Variants in ZNF479 observed in about 807,000 individuals in gnomAD.
ZNF479 encodes zinc finger protein 479.
Under a neutral mutation model 14.7 loss-of-function variants are expected in ZNF479, and 15 were observed. The ratio of observed to expected loss-of-function variants is 1.02; its 90% CI spans 0.68 to 1.57. ZNF479 has a LOEUF of 1.57. ZNF479 is among the 40% of genes most tolerant of loss of function. ZNF479 has a pLI of 0.00. For synonymous variants in ZNF479, 145 were observed against 211.5 expected (o/e 0.69, Z 2.73); for missense variants, 506 against 615.1 (o/e 0.82, Z 1.88).
intron 1 of ZNF479, among the ~76,000 whole-genome samples, chr7:57,138,108 A>C (rs1156644023): frequency 6.6e-6 from 1 of 152,246 alleles, no homozygotes; most frequent in Non-Finnish European, 1.5e-5. Context: ...CTGGCCCAGC[A>C]CCTAGTTGAT....
At chr7:57,129,413 T>C (rs1468824846) in intron 1 of ZNF479, among the ~76,000 whole-genome samples, 1 of 152,134 alleles carries the variant, frequency 6.6e-6, no homozygotes, top group Non-Finnish European at 1.5e-5. Context: ...ATTATTAGCA[T>C]TAGCAAGAGA....
rs186496380 is a variant in ZNF479, at chr7:57,117,723, T to C, written c.*2117A>G. 5.9e-3 allele frequency among the ~76,000 whole-genome samples: 871 copies of C among 148,570 alleles called. No individual in the cohort carries two copies. The highest frequency in any genetic ancestry group is 0.022 in the African/African-American group (827 of 38,084). On this transcript the variant is annotated 3_prime_UTR_variant, in exon 4 of 4. Coordinates refer to ENST00000319636, the MANE Select transcript of ZNF479 (RefSeq NM_001370129.2). ...TGCATTTTATTACATAAACGTACAA[T>C]TGATAAAAAACAATCTCTCCTATCT...
chr7:57,127,369 T>C (rs992890237), intron 1 of ZNF479: 78 of 177,420 alleles, frequency 4.4e-4, no homozygotes, highest in African/African-American at 1.8e-3. Flanking sequence ...ATAGAATAAG[T>C]TGTGTATATT....
At chr7:57,128,051 T>TC in intron 1 of ZNF479, among the ~76,000 whole-genome samples, 1 of 151,812 alleles carries the variant, frequency 6.6e-6, no homozygotes. Flanking sequence ...TTCTCCTGCC[T>TC]CAACCTCCCA....
chr7:57,128,999 A>G (rs1786302595), intron 1 of ZNF479, among the ~76,000 whole-genome samples: 1 of 152,222 alleles, frequency 6.6e-6, no homozygotes, highest in African/African-American at 2.4e-5. Flanking sequence ...CACCCACGGC[A>G]GAAAGACCGA....
At chr7:57,135,478 T>C (rs935554190), upstream of ZNF479, among the ~76,000 whole-genome samples, 3 of 152,124 alleles carry the variant, frequency 2.0e-5, no homozygotes, top group African/African-American at 7.2e-5. Flanking sequence ...AGCAGTGAGA[T>C]CTTGGCTCAC....
At chr7:57,139,087 T>A (rs570777955) in intron 1 of ZNF479, among the ~76,000 whole-genome samples, 2 of 152,210 alleles carry the variant, frequency 1.3e-5, no homozygotes, top group African/African-American at 4.8e-5. Context: ...GAATCTCACA[T>A]GTGCCATATA....
rs1304699593 is a variant in ZNF479, at chr7:57,119,955, T to A, written c.1460A>T (p.His487Leu). ...SSTLMQHKRIHTGEKPYKCEE... is the reference protein window; with the variant it reads ...SSTLMQHKRILTGEKPYKCEE... Reference sequence around the variant, plus strand: ...ACATTTGTAGGGTTTCTCTCCAGTATGAATTCTCTTATGTTGCATAAGGGT... The same window carrying A: ...ACATTTGTAGGGTTTCTCTCCAGTAAGAATTCTCTTATGTTGCATAAGGGT... The change falls in exon 4 of 4, where the codon CAT becomes CTT. Residue 487 changes from histidine to leucine, a missense_variant. By Grantham distance (99) the His-to-Leu change is moderately conservative. Coordinates refer to ENST00000319636, the MANE Select transcript of ZNF479 (RefSeq NM_001370129.2). 6.2e-7 allele frequency: 1 copy of A among 1,613,922 alleles called. No individual in the cohort carries two copies. Among genetic ancestry groups the A allele is most frequent in the Non-Finnish European group, 8.5e-7 (1 of 1,179,964 alleles).
chr7:57,136,862 A>G (rs1026992665), upstream of ZNF479, among the ~76,000 whole-genome samples: 1 of 152,108 alleles, frequency 6.6e-6, no homozygotes, highest in African/African-American at 2.4e-5. Flanking sequence ...GATTTGTAAA[A>G]CTGCTTGCCA....
chr7:57,128,864 G>A (rs776458422), intron 1 of ZNF479, among the ~76,000 whole-genome samples: 1 of 152,168 alleles, frequency 6.6e-6, no homozygotes, highest in Admixed American at 6.6e-5. Context: ...GAGAAAAAGT[G>A]ATTTGTTTCT....
intron 3 of ZNF479, among the ~76,000 whole-genome samples, chr7:57,121,912 A>G (rs1785970990): frequency 6.6e-6 from 1 of 152,118 alleles, no homozygotes; most frequent in Non-Finnish European, 1.5e-5. Flanking sequence ...AGAAAAATGG[A>G]AAACCAGACA....
Position 57,120,024 on chromosome 7 carries a change from G to C in ZNF479, c.1391C>G (p.Pro464Arg), listed in dbSNP as rs1554399833. Residue 464 changes from proline to arginine, a missense_variant, in exon 4 of 4, where the codon CCC (proline) becomes CGC (arginine). Physicochemically the swap from Pro to Arg is moderately radical, Grantham distance 103 (BLOSUM62 -2). Transcript: ENST00000319636. ...DHKRIHTGER[P>R]YTCEECGKAF... ...TTTGCCACATTCTTCACATGTGTAG[G>C]GTCTCTCTCCAGTATGAATTCTCTT... 1.2e-6 allele frequency: 2 copies of C among 1,613,612 alleles called. No individual in the cohort carries two copies.
chr7:57,123,910 A>C (rs1786052545), intron 3 of ZNF479, among the ~76,000 whole-genome samples: 1 of 151,918 alleles, frequency 6.6e-6, no homozygotes, highest in East Asian at 1.9e-4. Flanking sequence ...AAAAGAAAAA[A>C]AGTAATACTG....
chr7:57,134,824 G>A (rs567115048), upstream of ZNF479, among the ~76,000 whole-genome samples: 66 of 151,978 alleles, frequency 4.3e-4, no homozygotes, highest in South Asian at 4.6e-3. Context: ...ACAGGCATGC[G>A]CCACCATGCC....
intron 1 of ZNF479, among the ~76,000 whole-genome samples, chr7:57,127,016 TTTTTTTTTTC>T (rs1168831466): frequency 5.3e-5 from 7 of 131,378 alleles, no homozygotes; most frequent in Non-Finnish European, 1.0e-4. Context: ...TCTGTTTTTC[TTTTTTTTTTC>T]TTTTTTTTTT....
upstream of ZNF479, among the ~76,000 whole-genome samples, chr7:57,134,565 C>A: frequency 6.6e-6 from 1 of 152,024 alleles, no homozygotes; most frequent in East Asian, 1.9e-4. Flanking sequence ...GCCCACATTG[C>A]TGCTCTGCCT....
rs781924092 is a variant in ZNF479 at position 57,120,094 on chromosome 7, C to A, written c.1321G>T (p.Glu441Ter). The A allele has an allele frequency of 6.2e-7, 1 of 1,613,554 alleles. No homozygotes were observed. Among genetic ancestry groups the A allele is most frequent in the Non-Finnish European group, 8.5e-7 (1 of 1,179,856 alleles). ...HTGERPYKCE[E>*]CGKAFSLSST... ...GATAAGCTAAAGGCTTTGCCACATT[C>A]TTCACATTTGTAGGGTCTCTCTCCA... Residue 441 changes from glutamate (E) to a stop codon, truncating the protein, a stop_gained, in exon 4 of 4, where the codon GAA (glutamate) becomes TAA (stop). Transcript: ENST00000319636. LOFTEE classifies it low-confidence loss of function (END_TRUNC).
intron 1 of ZNF479, among the ~76,000 whole-genome samples, chr7:57,131,390 C>T (rs1301132999): frequency 1.3e-5 from 2 of 151,912 alleles, no homozygotes; most frequent in Non-Finnish European, 2.9e-5. Flanking sequence ...TGGTGAAATC[C>T]TGTCTCTACT....
chr7:57,139,220 T>G (rs1786775921), intron 1 of ZNF479, among the ~76,000 whole-genome samples: 1 of 152,174 alleles, frequency 6.6e-6, no homozygotes, highest in Non-Finnish European at 1.5e-5. Flanking sequence ...CACAGCCTCC[T>G]TACAACGTCC....
Sources: allele counts gnomAD v4.1 joint callset (sites outside exome capture counted in the v4.1 genomes callset), GRCh38; gene constraint gnomAD v4.1.1; transcripts MANE v1.5; gene names NCBI Gene and HGNC (gene_info 2026-07-23, HGNC 2026-07-21).